Variants in TMEM212 observed in about 807,000 individuals in gnomAD.
TMEM212 encodes the protein transmembrane protein 212.
In TMEM212, 23 loss-of-function variants were observed where a neutral mutation model predicts 20.5. That is an observed-to-expected ratio of 1.12 (90% CI 0.81 to 1.59). The LOEUF (loss-of-function observed/expected upper bound fraction) is 1.59. Ranked by LOEUF, TMEM212 falls within the 40% of genes most tolerant of loss-of-function variation. The pLI is 0.00. For missense variants in TMEM212, 211 were observed against 215.0 expected, an observed-to-expected ratio of 0.98 and a Z score of 0.12; for synonymous variants, 76 against 81.6, an observed-to-expected ratio of 0.93 and a Z score of 0.37.
At chr3:171,851,547 C>T (rs565767952) in intron 1 of TMEM212, among the ~76,000 whole-genome samples, 1 of 152,288 alleles carries the variant, frequency 6.6e-6, no homozygotes, top group Admixed American at 6.5e-5. Flanking sequence ...AAGCAAATAG[C>T]AAAAGAGAAA....
In TMEM212 at chr3:171,843,460, C is replaced by T. The variant is rs1038535868; in HGVS notation, c.77C>T (p.Ala26Val). 3.9e-6 allele frequency: 6 copies of T among 1,536,988 alleles called. No homozygotes were observed. The African/African-American group carries it at 5.5e-5, about 14-fold the overall frequency. ...CTCAGTGTATGCTCTGGAGTTATTGCTTTCTTTCCTGTCTTTTCTTACAAG... is the reference window on the plus strand; with the variant it reads ...CTCAGTGTATGCTCTGGAGTTATTGTTTTCTTTCCTGTCTTTTCTTACAAG... Reference protein sequence around the residue: ...GILSVCSGVIAFFPVFSYKPW... With the variant: ...GILSVCSGVIVFFPVFSYKPW... Residue 26 changes from alanine to valine, a missense_variant, in exon 1 of 5, where the codon GCT becomes GTT. Transcript: ENST00000334567.
At chr3:171,856,904 G>T in intron 4 of TMEM212, 197 bp downstream of exon 4, 1 of 397,154 alleles carries the variant, frequency 2.5e-6, no homozygotes, top group Non-Finnish European at 4.5e-6. Flanking sequence ...CTGAAGGCAT[G>T]TAAATCTGCT....
intron 1 of TMEM212, among the ~76,000 whole-genome samples, chr3:171,849,654 A>G (rs1299400177): frequency 1.3e-5 from 2 of 152,226 alleles, no homozygotes; most frequent in Non-Finnish European, 2.9e-5. Context: ...TTGTAAGTGA[A>G]TAAATTAACC....
intron 1 of TMEM212, among the ~76,000 whole-genome samples, chr3:171,850,256 G>A (rs967537016): frequency 6.6e-6 from 1 of 152,082 alleles, no homozygotes; most frequent in Non-Finnish European, 1.5e-5. Flanking sequence ...TTTGCAGGGT[G>A]GATTTAACAA....
At chr3:171,856,456 G>A (rs564332486) in intron 3 of TMEM212, among the ~76,000 whole-genome samples, 1 of 152,256 alleles carries the variant, frequency 6.6e-6, no homozygotes, top group African/African-American at 2.4e-5. Context: ...ACCACCCCAG[G>A]TGAAGCAGTT....
intron 2 of TMEM212, among the ~76,000 whole-genome samples, chr3:171,852,288 C>A (rs1020204541): frequency 6.6e-6 from 1 of 151,980 alleles, no homozygotes; most frequent in African/African-American, 2.4e-5. Flanking sequence ...ACAACCTCCA[C>A]CTCCCAGGTT....
At chr3:171,850,138 A>C (rs1269203953) in intron 1 of TMEM212, among the ~76,000 whole-genome samples, 1 of 152,164 alleles carries the variant, frequency 6.6e-6, no homozygotes, top group East Asian at 1.9e-4. Flanking sequence ...GGAAGAAAGA[A>C]AAGGGGAAGT....
intron 1 of TMEM212, among the ~76,000 whole-genome samples, chr3:171,850,227 C>T (rs1724946071): frequency 1.3e-5 from 2 of 152,296 alleles, no homozygotes; most frequent in East Asian, 1.9e-4. Flanking sequence ...GTGCGCTAAC[C>T]TCTTGAGCTG....
chr3:171,851,442 A>G (rs1724974246), intron 1 of TMEM212, among the ~76,000 whole-genome samples: 2 of 152,242 alleles, frequency 1.3e-5, no homozygotes. Flanking sequence ...ATGCCACATC[A>G]TGCATTCATT....
chr3:171,845,398 A>T (rs1430205335), intron 1 of TMEM212, among the ~76,000 whole-genome samples: 1 of 152,206 alleles, frequency 6.6e-6, no homozygotes, highest in African/African-American at 2.4e-5. Flanking sequence ...TTTCTATTTC[A>T]TTTAATTTTT....
chr3:171,854,951 C>T lies in TMEM212; in HGVS notation c.543+1101C>T, dbSNP rs540607642. Among the ~76,000 whole-genome samples, 57 of 152,050 alleles carry T rather than the reference C, an allele frequency of 3.7e-4. No individual in the cohort carries two copies. The South Asian group carries it at 1.0e-2, about 27-fold the overall frequency. ...GAATAGTCTATGTAAGTCATAATAA[C>T]GTTAGTAAAAAGAAATTTTTTTTAA... On this transcript the variant is annotated intron_variant, in intron 3 of 4. Transcript: ENST00000334567.
chr3:171,851,207 A>G (rs1180464444), intron 1 of TMEM212, among the ~76,000 whole-genome samples: 2 of 152,236 alleles, frequency 1.3e-5, no homozygotes, highest in Non-Finnish European at 2.9e-5. Flanking sequence ...AGAATAAGCT[A>G]TTTCCAGTCT....
chr3:171,851,427 A>T (rs1724973978), intron 1 of TMEM212, among the ~76,000 whole-genome samples: 1 of 152,264 alleles, frequency 6.6e-6, no homozygotes, highest in Non-Finnish European at 1.5e-5. Context: ...TACCCAGAAC[A>T]ATAAATGCCA....
At position 171,852,051 on chromosome 3, in the gene TMEM212, C is replaced by G; in HGVS notation, c.219+10C>G. ...GACCCAGAGGTACCTGGTAAATATA[C>G]CGATGCCAAGTAGGATGGTAGAGAG... On this transcript the variant is annotated intron_variant, in intron 2 of 4. Coordinates refer to ENST00000334567, the MANE Select transcript of TMEM212 (RefSeq NM_001164436.2). 6.5e-7 allele frequency: 1 copy of G among 1,534,652 alleles called. No individual in the cohort carries two copies. The highest frequency in any genetic ancestry group is 1.2e-5 in the South Asian group (1 of 84,004).
chr3:171,845,508 A>G (rs1005836394), intron 1 of TMEM212, among the ~76,000 whole-genome samples: 5 of 152,334 alleles, frequency 3.3e-5, no homozygotes, highest in South Asian at 2.1e-4. Context: ...AGACTGCAAC[A>G]TAATACATTA....
chr3:171,843,432 A>T lies in TMEM212; in HGVS notation c.49A>T (p.Ile17Phe), dbSNP rs781651286. The T allele has an allele frequency of 4.6e-6, 7 of 1,536,844 alleles. No homozygotes were observed. In the South Asian group the frequency reaches 8.3e-5, roughly 18 times the overall value. The change falls in exon 1 of 5, where the codon ATC becomes TTC. Residue 17 changes from isoleucine (I) to phenylalanine (F), a missense_variant. Coordinates refer to ENST00000334567, the MANE Select transcript of TMEM212 (RefSeq NM_001164436.2). ...TGGCCGGATTCTTGTTACTCTGGGG[A>T]TCCTCAGTGTATGCTCTGGAGTTAT... Reference protein sequence around the residue: ...AAGRILVTLGILSVCSGVIAF... With the variant: ...AAGRILVTLGFLSVCSGVIAF...
At chr3:171,857,509 T>C (rs1725147585) in intron 4 of TMEM212, among the ~76,000 whole-genome samples, 1 of 152,100 alleles carries the variant, frequency 6.6e-6, no homozygotes, top group Non-Finnish European at 1.5e-5. Context: ...GGATATGACA[T>C]GAAAAGCACA....
intron 1 of TMEM212, among the ~76,000 whole-genome samples, chr3:171,849,378 A>C (rs1724917764): frequency 6.6e-6 from 1 of 152,126 alleles, no homozygotes; most frequent in Non-Finnish European, 1.5e-5. Flanking sequence ...TTACACCTGA[A>C]CTGTAAATTC....
At chr3:171,853,323 G>GGA (rs1553853101) in intron 2 of TMEM212, among the ~76,000 whole-genome samples, 35 of 110,776 alleles carry the variant, frequency 3.2e-4, no homozygotes, top group African/African-American at 1.1e-3. Context: ...CTTAAAAAGT[G>GGA]AAAAAAAAAA....
Sources: allele counts gnomAD v4.1 joint callset (sites outside exome capture counted in the v4.1 genomes callset), GRCh38; gene constraint gnomAD v4.1.1; transcripts MANE v1.5; gene names NCBI Gene and HGNC (gene_info 2026-07-23, HGNC 2026-07-21).